Variants in ZSWIM6 observed in about 807,000 individuals in gnomAD.
The protein encoded by ZSWIM6 is zinc finger SWIM-type containing 6.
ZSWIM6 carries 9 observed loss-of-function variants against 113.2 expected under a neutral mutation model. The observed-to-expected ratio is 0.08, with a 90% confidence interval of 0.05 to 0.14. The LOEUF (loss-of-function observed/expected upper bound fraction) is 0.14, where lower values mean the gene tolerates loss of function less well. ZSWIM6 is among the 10% of genes least tolerant of loss of function. The probability of loss-of-function intolerance (pLI) is 1.00; values close to 1 mark genes in which losing one functional copy is unlikely to be tolerated. For missense variants in ZSWIM6, 1,162 were observed against 1,552.2 expected (o/e 0.75, Z 4.22); for synonymous variants, 611 against 606.5 (o/e 1.01, Z -0.11).
chr5:61,343,157 G>A (rs538845246), intron 1 of ZSWIM6, among the ~76,000 whole-genome samples: 1 of 152,154 alleles, frequency 6.6e-6, no homozygotes, highest in African/African-American at 2.4e-5. Flanking sequence ...TTGAAAGATA[G>A]GGTTTTATCT....
At chr5:61,454,064 A>G (rs1340655767) in intron 1 of ZSWIM6, among the ~76,000 whole-genome samples, 1 of 151,776 alleles carries the variant, frequency 6.6e-6, no homozygotes, top group Non-Finnish European at 1.5e-5. Context: ...TCCCCCATTT[A>G]TTTATTCAAT....
intron 3 of ZSWIM6, 49 bp downstream of exon 3, chr5:61,490,983 G>C (rs1748161264): frequency 6.9e-7 from 1 of 1,450,626 alleles, no homozygotes; most frequent in African/African-American, 1.5e-5. Flanking sequence ...TACATATATA[G>C]GGACTATCTG....
At chr5:61,429,849 T>G (rs754807841) in intron 1 of ZSWIM6, among the ~76,000 whole-genome samples, 11 of 152,074 alleles carry the variant, frequency 7.2e-5, no homozygotes, top group Non-Finnish European at 1.6e-4. Flanking sequence ...ACATTGTCTT[T>G]TGTGTGAACG....
At chr5:61,384,031 G>A in intron 1 of ZSWIM6, among the ~76,000 whole-genome samples, 1 of 149,406 alleles carries the variant, frequency 6.7e-6, no homozygotes, top group Non-Finnish European at 1.5e-5. Context: ...CATGAGGTCA[G>A]GAGATCGAGA....
chr5:61,488,902 A>G (rs1748101942), intron 2 of ZSWIM6, among the ~76,000 whole-genome samples: 1 of 152,002 alleles, frequency 6.6e-6, no homozygotes, highest in Admixed American at 6.6e-5. Flanking sequence ...ATTGATGCAT[A>G]TCAGGACAAA....
chr5:61,442,398 T>C (rs1378493244), intron 1 of ZSWIM6, among the ~76,000 whole-genome samples: 1 of 152,190 alleles, frequency 6.6e-6, no homozygotes, highest in East Asian at 1.9e-4. Flanking sequence ...TTCTGGCTGC[T>C]TCATGCTTAG....
At chr5:61,336,679 C>G (rs981134782) in intron 1 of ZSWIM6, among the ~76,000 whole-genome samples, 1 of 152,088 alleles carries the variant, frequency 6.6e-6, no homozygotes, top group Non-Finnish European at 1.5e-5. Context: ...GGCTTGAACC[C>G]GGGAAGCGGA....
At chr5:61,531,292 T>A (rs1273556318) in intron 8 of ZSWIM6, among the ~76,000 whole-genome samples, 173 bp from the exon 9 acceptor site, 1 of 152,228 alleles carries the variant, frequency 6.6e-6, no homozygotes, top group Non-Finnish European at 1.5e-5. Flanking sequence ...TTCATGGTCA[T>A]TTTTAAAAAG....
intron 4 of ZSWIM6, among the ~76,000 whole-genome samples, chr5:61,504,557 T>C (rs1205562911): frequency 6.6e-6 from 1 of 152,228 alleles, no homozygotes; most frequent in Non-Finnish European, 1.5e-5. Context: ...GAAATTGTTT[T>C]TTTGAATAAA....
chr5:61,461,684 C>G (rs1316945715), intron 1 of ZSWIM6, among the ~76,000 whole-genome samples: 1 of 152,094 alleles, frequency 6.6e-6, no homozygotes, highest in African/African-American at 2.4e-5. Context: ...TGCTGGAAAT[C>G]ATTTATTAAG....
At chr5:61,530,480 T>C (rs1189360745) in intron 8 of ZSWIM6, among the ~76,000 whole-genome samples, 3 of 152,246 alleles carry the variant, frequency 2.0e-5, no homozygotes, top group Non-Finnish European at 4.4e-5. Flanking sequence ...TCCACATTTA[T>C]GACTACTTCT....
chr5:61,346,466 A>G (rs946769943), intron 1 of ZSWIM6, among the ~76,000 whole-genome samples: 2 of 152,224 alleles, frequency 1.3e-5, no homozygotes, highest in African/African-American at 2.4e-5. Flanking sequence ...ATATCAATGT[A>G]TCTCTCTAGA....
chr5:61,452,924 G>A (rs1027779561), intron 1 of ZSWIM6, among the ~76,000 whole-genome samples: 2 of 152,270 alleles, frequency 1.3e-5, no homozygotes, highest in South Asian at 2.1e-4. Context: ...CTTTTGAAGA[G>A]TACTGGTTAG....
At chr5:61,517,594 A>G (rs1332159028) in intron 4 of ZSWIM6, among the ~76,000 whole-genome samples, 3 of 152,002 alleles carry the variant, frequency 2.0e-5, no homozygotes, top group Middle Eastern at 3.2e-3. Context: ...TGATAATTCT[A>G]ACATCTAGTT....
chr5:61,433,765 G>A (rs1746636029), intron 1 of ZSWIM6, among the ~76,000 whole-genome samples: 1 of 151,928 alleles, frequency 6.6e-6, no homozygotes, highest in Non-Finnish European at 1.5e-5. Context: ...GTGAGCCACC[G>A]TGCCCAGCCT....
At chr5:61,379,069 T>C (rs1408055553) in intron 1 of ZSWIM6, among the ~76,000 whole-genome samples, 1 of 150,634 alleles carries the variant, frequency 6.6e-6, no homozygotes, top group Non-Finnish European at 1.5e-5. Flanking sequence ...TAATCCTAGC[T>C]ACTCAGGTGG....
At chr5:61,385,192 A>AAT (rs1327657096) in intron 1 of ZSWIM6, among the ~76,000 whole-genome samples, 1 of 152,232 alleles carries the variant, frequency 6.6e-6, no homozygotes, top group Non-Finnish European at 1.5e-5. Flanking sequence ...GGACAACACA[A>AAT]ATACTGGTTA....
chr5:61,494,527 G>T, intron 4 of ZSWIM6, 117 bp downstream of exon 4: 1 of 1,326,170 alleles, frequency 7.5e-7, no homozygotes, highest in Non-Finnish European at 1.0e-6. Context: ...TGCATGGAAC[G>T]TGTTGCCAAT....
At chr5:61,504,018 A>G (rs1748539307) in intron 4 of ZSWIM6, among the ~76,000 whole-genome samples, 1 of 152,158 alleles carries the variant, frequency 6.6e-6, no homozygotes. Context: ...TATGTGCCTG[A>G]TATTATAATT....
Sources: allele counts gnomAD v4.1 joint callset (sites outside exome capture counted in the v4.1 genomes callset), GRCh38; gene constraint gnomAD v4.1.1; transcripts MANE v1.5; gene names NCBI Gene and HGNC (gene_info 2026-07-23, HGNC 2026-07-21).